TCF7L1: variants seen among roughly 807,000 people sequenced by gnomAD.
TCF7L1 encodes transcription factor 7-like 1.
Under a neutral mutation model 63.7 loss-of-function variants are expected in TCF7L1, and 18 were observed. The observed-to-expected ratio is 0.28, with a 90% CI of 0.20 to 0.42. TCF7L1 has a LOEUF of 0.42. TCF7L1 is among the 10% of genes least tolerant of loss of function. The pLI is 1.00. For missense variants in TCF7L1, 654 were observed against 779.3 expected (o/e 0.84, Z 1.91); for synonymous variants, 355 against 340.9 (o/e 1.04, Z -0.46).
intron 11 of TCF7L1, among the ~76,000 whole-genome samples, chr2:85,308,444 T>TCTGTTTCCCTCC (rs1682185095): frequency 2.8e-5 from 1 of 36,180 alleles, no homozygotes; most frequent in Non-Finnish European, 5.6e-5. Flanking sequence ...TCCCTCCCTT[T>TCTGTTTCCCTCC]CTCTTTCCCT....
chr2:85,219,639 G>A (rs1323536111), intron 3 of TCF7L1, among the ~76,000 whole-genome samples: 1 of 152,156 alleles, frequency 6.6e-6, no homozygotes, highest in Non-Finnish European at 1.5e-5. Context: ...CAGCACTTTG[G>A]GAGGCCGAGG....
chr2:85,150,995 A>T (rs1678000291), intron 3 of TCF7L1, among the ~76,000 whole-genome samples: 1 of 152,186 alleles, frequency 6.6e-6, no homozygotes, highest in South Asian at 2.1e-4. Context: ...TTTCTGTGAC[A>T]CTATAGAACA....
chr2:85,309,156 C>T lies in TCF7L1; in HGVS notation c.1461C>T (p.Ala487=). The change falls in exon 12 of 12, where the codon GCC becomes GCT. Residue 487 remains alanine (A), a synonymous_variant. Coordinates refer to ENST00000282111, the MANE Select transcript of TCF7L1 (RefSeq NM_031283.3). ...CGGCCACTCCCTCTGCAGCTTTGGCCTCACCAGCTGCCCCTGCTGCCACCC... is the reference window on the plus strand; with the variant it reads ...CGGCCACTCCCTCTGCAGCTTTGGCTTCACCAGCTGCCCCTGCTGCCACCC... ...DSPATPSAAL[A]SPAAPAATHS... 2 of 1,614,072 alleles carry T rather than the reference C, an allele frequency of 1.2e-6. No homozygotes were observed. Among genetic ancestry groups the T allele is most frequent in the Non-Finnish European group, 1.7e-6 (2 of 1,180,016 alleles).
intron 3 of TCF7L1, among the ~76,000 whole-genome samples, chr2:85,280,904 C>T (rs1364137398): frequency 2.0e-5 from 3 of 152,054 alleles, no homozygotes; most frequent in East Asian, 3.9e-4. Context: ...GGAAAAGCTT[C>T]GTGACTTGGT....
chr2:85,154,733 T>C (rs1049931194), intron 3 of TCF7L1, among the ~76,000 whole-genome samples: 6 of 152,240 alleles, frequency 3.9e-5, no homozygotes, highest in Non-Finnish European at 7.3e-5. Flanking sequence ...GGATTTGTTT[T>C]GTTCCTTCCC....
chr2:85,138,017 A>G (rs531657677), intron 3 of TCF7L1, among the ~76,000 whole-genome samples: 1 of 152,308 alleles, frequency 6.6e-6, no homozygotes, highest in East Asian at 1.9e-4. Flanking sequence ...CAAGCCAGCT[A>G]CAATGTGATA....
In TCF7L1 at chr2:85,201,272, G is replaced by A. The variant is rs200739191; in HGVS notation, c.441+66822G>A. Among the ~76,000 whole-genome samples, 6 of 152,264 alleles carry A rather than the reference G, an allele frequency of 3.9e-5. No homozygotes were observed. In the East Asian group the frequency reaches 1.2e-3, roughly 29 times the overall value. The stretch of plus-strand genomic sequence containing the variant: ...TATGCACTGTATTTAATTTTATGCA[G>A]TGATTATATTGCATCTTTATGTTTG... On this transcript the variant is annotated intron_variant, in intron 3 of 11. Transcript: ENST00000282111.
intron 3 of TCF7L1, among the ~76,000 whole-genome samples, chr2:85,220,819 T>A (rs1034358492): frequency 9.2e-5 from 14 of 152,340 alleles, no homozygotes; most frequent in South Asian, 4.1e-4. Flanking sequence ...ATATATATTT[T>A]GTAGCTCTAT....
Position 85,206,063 on chromosome 2 carries a change from G to A in TCF7L1, c.441+71613G>A, listed in dbSNP as rs1045465353. On this transcript the variant is annotated intron_variant, in intron 3 of 11. Coordinates refer to ENST00000282111, the MANE Select transcript of TCF7L1 (RefSeq NM_031283.3). ...ATTGCTGACAAAGTTCCAAGTGAAG[G>A]TACCTGTTAGCTGGGGCTATTAACT... Among the ~76,000 whole-genome samples, 3 of 152,200 alleles carry A rather than the reference G, an allele frequency of 2.0e-5. No homozygotes were observed. In the South Asian group the frequency reaches 6.2e-4, roughly 32 times the overall value.
chr2:85,282,086 C>T (rs1265901932), intron 3 of TCF7L1, among the ~76,000 whole-genome samples: 2 of 152,206 alleles, frequency 1.3e-5, no homozygotes, highest in African/African-American at 4.8e-5. Flanking sequence ...CTCCCAGACT[C>T]AAGCGATTCT....
intron 3 of TCF7L1, among the ~76,000 whole-genome samples, chr2:85,156,913 T>C (rs1678160595): frequency 6.6e-6 from 1 of 152,172 alleles, no homozygotes; most frequent in Admixed American, 6.5e-5. Context: ...TTGGTTAGAC[T>C]TGGGTGGGGC....
At chr2:85,307,409 CAAG>C (rs1262392671) in intron 10 of TCF7L1, among the ~76,000 whole-genome samples, 3 of 152,094 alleles carry the variant, frequency 2.0e-5, no homozygotes, top group Non-Finnish European at 4.4e-5. Flanking sequence ...GGAGGCCTTC[CAAG>C]AAGGCCTGGA....
In TCF7L1 at chr2:85,262,151, G is replaced by T. The variant is rs1366903071; in HGVS notation, c.442-21344G>T. The T allele has an allele frequency of 1.6e-5, 9 of 546,560 alleles. No individual in the cohort carries two copies. The East Asian group carries it at 3.0e-4, about 18-fold the overall frequency. 33.9% of individuals were successfully genotyped at this position (546,560 alleles called of 1,614,324 possible). On this transcript the variant is annotated intron_variant, in intron 3 of 11. Transcript: ENST00000282111. The stretch of plus-strand genomic sequence containing the variant: ...CTCTTCCGCATCATCTAATAACAAG[G>T]TTCGTATACTCATTAAAACCAATGA...
intron 3 of TCF7L1, among the ~76,000 whole-genome samples, chr2:85,206,901 C>T (rs1679422053): frequency 1.3e-5 from 2 of 152,170 alleles, no homozygotes; most frequent in South Asian, 4.1e-4. Context: ...GGACAATACA[C>T]ATTAAATCAT....
chr2:85,181,854 A>C (rs1678810586), intron 3 of TCF7L1, among the ~76,000 whole-genome samples: 1 of 152,144 alleles, frequency 6.6e-6, no homozygotes, highest in Non-Finnish European at 1.5e-5. Context: ...TCAGTTTAAC[A>C]AGTGTCTTGT....
intron 3 of TCF7L1, among the ~76,000 whole-genome samples, chr2:85,278,384 CCTTTA>C (rs1681327112): frequency 6.6e-6 from 1 of 152,222 alleles, no homozygotes; most frequent in Admixed American, 6.5e-5. Context: ...ACTTTGTTCA[CCTTTA>C]CTTAGGAATG....
chr2:85,184,858 G>A (rs969914622), intron 3 of TCF7L1, among the ~76,000 whole-genome samples: 1 of 151,814 alleles, frequency 6.6e-6, no homozygotes, highest in African/African-American at 2.4e-5. Context: ...AGGCGGGCTG[G>A]GCTGTCACAT....
intron 3 of TCF7L1, among the ~76,000 whole-genome samples, chr2:85,140,207 C>T (rs1677692671): frequency 2.0e-5 from 3 of 152,090 alleles, no homozygotes; most frequent in South Asian, 4.1e-4. Context: ...CTCTACCTCC[C>T]CAGTGGTGGA....
Position 85,140,310 on chromosome 2 carries a change from G to T in TCF7L1, c.441+5860G>T, listed in dbSNP as rs966855773. ...GAACCCTCGGTTTCATTGGAGACACGTTAGGTGTGAGGGGATGTTGAGGGG... is the reference window on the plus strand; with the variant it reads ...GAACCCTCGGTTTCATTGGAGACACTTTAGGTGTGAGGGGATGTTGAGGGG... On this transcript the variant is annotated intron_variant, in intron 3 of 11. Transcript: ENST00000282111. 2.0e-5 allele frequency among the ~76,000 whole-genome samples: 3 copies of T among 152,178 alleles called. No individual in the cohort carries two copies. The South Asian group carries it at 6.2e-4, about 32-fold the overall frequency.
Sources: allele counts gnomAD v4.1 joint callset (sites outside exome capture counted in the v4.1 genomes callset), GRCh38; gene constraint gnomAD v4.1.1; transcripts MANE v1.5; gene names NCBI Gene and HGNC (gene_info 2026-07-23, HGNC 2026-07-21).